UBE3D: variants seen among roughly 807,000 people sequenced by gnomAD.
UBE3D encodes E3 ubiquitin-protein ligase E3D.
In UBE3D, 48 loss-of-function variants were observed where a neutral mutation model predicts 49.6. The ratio of observed to expected loss-of-function variants is 0.97; its 90% CI spans 0.77 to 1.23. The LOEUF (loss-of-function observed/expected upper bound fraction) is 1.23. Among genes scored for constraint, UBE3D ranks in the 50% most tolerant of loss-of-function variants. The pLI is 0.00. For missense variants in UBE3D, 452 were observed against 468.4 expected, an observed-to-expected ratio of 0.96 and a Z score of 0.32; for synonymous variants, 189 against 174.2, an observed-to-expected ratio of 1.08 and a Z score of -0.67.
intron 9 of UBE3D, among the ~76,000 whole-genome samples, chr6:82,897,761 G>A (rs1415248017): frequency 6.7e-6 from 1 of 149,916 alleles, no homozygotes; most frequent in African/African-American, 2.4e-5. Flanking sequence ...ACTGGGATTA[G>A]GTAGTTTTTT....
At chr6:82,994,109 T>C (rs1243668180) in intron 8 of UBE3D, among the ~76,000 whole-genome samples, 1 of 152,218 alleles carries the variant, frequency 6.6e-6, no homozygotes, top group Admixed American at 6.5e-5. Context: ...TATGTATGCA[T>C]GTGTTTATTT....
intron 8 of UBE3D, among the ~76,000 whole-genome samples, chr6:82,971,373 G>GGGTTGAGA (rs1378080829): frequency 2.0e-5 from 3 of 151,826 alleles, no homozygotes; most frequent in African/African-American, 7.3e-5. Context: ...CAAAGTATGT[G>GGGTTGAGA]GGTTGAGACA....
rs995945762 is a variant in UBE3D at position 83,000,375 on chromosome 6, T to C, written c.1010+18598A>G. Among the ~76,000 whole-genome samples the C allele has an allele frequency of 2.0e-5, 3 of 152,198 alleles. No individual in the cohort carries two copies. In the South Asian group the frequency reaches 6.2e-4, roughly 31 times the overall value. The stretch of plus-strand genomic sequence containing the variant: ...CTTCTTCCAATATTATCTATCCCAG[T>C]ATATAGTGGCCCATTCCTCAAATCC... On this transcript the variant is annotated intron_variant, in intron 8 of 9. Coordinates refer to ENST00000369747, the MANE Select transcript of UBE3D (RefSeq NM_198920.3).
intron 9 of UBE3D, among the ~76,000 whole-genome samples, chr6:82,896,072 A>G (rs187972281): frequency 1.3e-5 from 2 of 152,322 alleles, no homozygotes; most frequent in Admixed American, 1.3e-4. Context: ...TAAAGACAAC[A>G]TGAAACTGCA....
intron 8 of UBE3D, among the ~76,000 whole-genome samples, chr6:82,996,111 TA>T (rs1478919706): frequency 6.6e-6 from 1 of 151,966 alleles, no homozygotes; most frequent in Non-Finnish European, 1.5e-5. Context: ...TATCCACTGA[TA>T]AAAAAGAACC....
chr6:82,906,238 C>T (rs1582298920), intron 9 of UBE3D, among the ~76,000 whole-genome samples: 1 of 152,028 alleles, frequency 6.6e-6, no homozygotes, highest in South Asian at 2.1e-4. Flanking sequence ...TAATAGGTCC[C>T]TCTTCCTTCC....
intron 9 of UBE3D, among the ~76,000 whole-genome samples, chr6:82,936,303 C>G (rs1774570674): frequency 6.6e-6 from 1 of 152,132 alleles, no homozygotes; most frequent in African/African-American, 2.4e-5. Flanking sequence ...TTTAAGTGCT[C>G]TGATTTCTGC....
chr6:82,912,857 T>C (rs1413848641), intron 9 of UBE3D, among the ~76,000 whole-genome samples: 3 of 152,284 alleles, frequency 2.0e-5, no homozygotes, highest in East Asian at 3.9e-4. Flanking sequence ...CAACCTTTTT[T>C]TTAAATCCTG....
downstream of UBE3D, among the ~76,000 whole-genome samples, chr6:82,887,564 C>T (rs1301514652): frequency 6.6e-6 from 1 of 150,508 alleles, no homozygotes; most frequent in African/African-American, 2.4e-5. Flanking sequence ...CAAAAATTAG[C>T]CGGGCGTGGT....
chr6:82,925,852 A>G (rs1161127781), intron 9 of UBE3D, among the ~76,000 whole-genome samples: 3 of 152,158 alleles, frequency 2.0e-5, no homozygotes, highest in African/African-American at 4.8e-5. Context: ...ATAATATTCC[A>G]TTCCTTGGTT....
chr6:83,027,988 T>C (rs761720664), intron 5 of UBE3D, among the ~76,000 whole-genome samples: 1 of 152,192 alleles, frequency 6.6e-6, no homozygotes, highest in Non-Finnish European at 1.5e-5. Flanking sequence ...GTTTTTCTTG[T>C]CATCTATCTT....
chr6:82,948,524 ATTACC>A (rs556282904), intron 9 of UBE3D, among the ~76,000 whole-genome samples: 159 of 152,210 alleles, frequency 1.0e-3, no homozygotes, highest in African/African-American at 3.6e-3. Context: ...GGCCAGAAGT[ATTACC>A]TTGACACCAA....
At chr6:83,016,388 T>C (rs941258648) in intron 8 of UBE3D, among the ~76,000 whole-genome samples, 7 of 152,150 alleles carry the variant, frequency 4.6e-5, no homozygotes, top group Non-Finnish European at 1.0e-4. Flanking sequence ...TAACTCTCTA[T>C]ACAGTTCATG....
chr6:82,894,007 T>C (rs1294467366), intron 9 of UBE3D: 1 of 152,190 alleles, frequency 6.6e-6, no homozygotes, highest in Non-Finnish European at 1.5e-5. Flanking sequence ...TGAGTTTCCA[T>C]ATCAACTTCC....
At chr6:83,028,100 T>C (rs1376026833) in intron 5 of UBE3D, among the ~76,000 whole-genome samples, 1 of 152,206 alleles carries the variant, frequency 6.6e-6, no homozygotes, top group Non-Finnish European at 1.5e-5. Flanking sequence ...TTTTATTGTA[T>C]AAATTTATTG....
downstream of UBE3D, among the ~76,000 whole-genome samples, chr6:82,890,291 TAGAA>T (rs1770957235): frequency 6.6e-6 from 1 of 152,122 alleles, no homozygotes; most frequent in Non-Finnish European, 1.5e-5. Context: ...AACAAAAAGA[TAGAA>T]AGAGCCATTT....
intron 8 of UBE3D, among the ~76,000 whole-genome samples, chr6:82,976,533 G>A (rs1222350482): frequency 6.6e-6 from 1 of 152,014 alleles, no homozygotes; most frequent in African/African-American, 2.4e-5. Flanking sequence ...ACCTGTTTAA[G>A]TTTTTACACT....
In UBE3D at chr6:83,045,985, G is replaced by A. The variant is rs1024276021; in HGVS notation, c.366-1326C>T. 2.6e-5 allele frequency among the ~76,000 whole-genome samples: 4 copies of A among 152,220 alleles called. No individual in the cohort carries two copies. The South Asian group carries it at 8.3e-4, about 32-fold the overall frequency. On this transcript the variant is annotated intron_variant, in intron 3 of 9. Coordinates refer to ENST00000369747, the MANE Select transcript of UBE3D (RefSeq NM_198920.3). ...ACAGAATATTCTTCAATCTGAGTTAGTCTAATATTGTCTCAAGATTAGGCT... is the reference window on the plus strand; with the variant it reads ...ACAGAATATTCTTCAATCTGAGTTAATCTAATATTGTCTCAAGATTAGGCT...
At chr6:82,895,587 A>AATTTG (rs1349447961) in intron 9 of UBE3D, among the ~76,000 whole-genome samples, 1 of 152,190 alleles carries the variant, frequency 6.6e-6, no homozygotes, top group Non-Finnish European at 1.5e-5. Context: ...ATGTACATGA[A>AATTTG]ATTTGTAAAA....
Sources: allele counts gnomAD v4.1 joint callset (sites outside exome capture counted in the v4.1 genomes callset), GRCh38; gene constraint gnomAD v4.1.1; transcripts MANE v1.5; gene names NCBI Gene and HGNC (gene_info 2026-07-23, HGNC 2026-07-21).